The following CTNND2 variants were observed in gnomAD, a reference collection of about 807,000 sequenced individuals.
CTNND2 encodes the protein catenin delta 2.
CTNND2 carries 22 observed loss-of-function variants against 144.4 expected under a neutral mutation model. The observed-to-expected ratio is 0.15, with a 90% CI of 0.11 to 0.22. The LOEUF is 0.22. Ranked by LOEUF, CTNND2 falls within the 10% of genes least tolerant of loss-of-function variation. CTNND2 has a pLI of 1.00. For synonymous variants in CTNND2, 751 were observed against 695.6 expected (o/e 1.08, Z -1.25); for missense variants, 1,353 against 1,618.8 (o/e 0.84, Z 2.82).
At chr5:11,810,486 GT>G (rs1295097370) in intron 1 of CTNND2, among the ~76,000 whole-genome samples, 1 of 7,398 alleles carries the variant, frequency 1.4e-4, no homozygotes, top group Non-Finnish European at 0.012. Flanking sequence ...AAAATTAAGT[GT>G]GCATTGCATT....
chr5:11,603,052 A>G (rs1289682369), intron 2 of CTNND2, among the ~76,000 whole-genome samples: 1 of 152,086 alleles, frequency 6.6e-6, no homozygotes, highest in African/African-American at 2.4e-5. Flanking sequence ...TTCTCAGATT[A>G]TTCTCTAACC....
chr5:11,503,117 G>T (rs562624595), intron 3 of CTNND2, among the ~76,000 whole-genome samples: 1 of 152,090 alleles, frequency 6.6e-6, no homozygotes, highest in Non-Finnish European at 1.5e-5. Context: ...ATTTCATAGG[G>T]GTCAGCTCGC....
Position 11,903,523 on chromosome 5 carries a change from T to C in CTNND2, c.37+294A>G, listed in dbSNP as rs1009167591. On this transcript the variant is annotated intron_variant, in intron 1 of 21. Coordinates refer to ENST00000304623, the MANE Select transcript of CTNND2 (RefSeq NM_001332.4). The surrounding 1 kb of genome is among the most constrained non-coding windows in gnomAD (Gnocchi z 5.4). The stretch of plus-strand genomic sequence containing the variant: ...GGGAGCAGCATTGTCGGTGTTGCCC[T>C]AAATACGCTTCCTCCCGGGGAGATG... 3 of 573,632 alleles carry C rather than the reference T, an allele frequency of 5.2e-6. No individual in the cohort carries two copies. The highest frequency in any genetic ancestry group is 5.1e-6 in the Non-Finnish European group (2 of 389,954). The allele number at this position is 573,632 out of a possible 1,614,324, so 35.5% of individuals were successfully genotyped here. A position where few individuals can be genotyped will look rare whatever the true frequency, so the allele number is the denominator to read the frequency against.
intron 2 of CTNND2, among the ~76,000 whole-genome samples, chr5:11,702,177 C>G (rs1287495134): frequency 6.6e-6 from 1 of 152,180 alleles, no homozygotes; most frequent in Non-Finnish European, 1.5e-5. Context: ...CAGAATGGAG[C>G]TGACCACCCC....
intron 3 of CTNND2, among the ~76,000 whole-genome samples, chr5:11,553,760 G>T (rs549139262): frequency 2.6e-5 from 4 of 152,062 alleles, no homozygotes; most frequent in Non-Finnish European, 5.9e-5. Flanking sequence ...AAGATTTCCA[G>T]TTCTCTACTG....
chr5:11,237,280 A>G (rs1741758630), intron 9 of CTNND2, among the ~76,000 whole-genome samples: 1 of 152,074 alleles, frequency 6.6e-6, no homozygotes, highest in Non-Finnish European at 1.5e-5. Context: ...CGGCCTCCCA[A>G]AGTGCTGGGA....
At chr5:11,790,926 G>A (rs564867044) in intron 1 of CTNND2, among the ~76,000 whole-genome samples, 1 of 152,116 alleles carries the variant, frequency 6.6e-6, no homozygotes, top group Non-Finnish European at 1.5e-5. Context: ...ATTCAGACAT[G>A]GGATTTTTGC....
Position 11,519,209 on chromosome 5 carries a change from A to T in CTNND2, c.287+45735T>A, listed in dbSNP as rs1018430809. On this transcript the variant is annotated intron_variant, in intron 3 of 21. Coordinates refer to ENST00000304623, the MANE Select transcript of CTNND2 (RefSeq NM_001332.4). Reference sequence around the variant, plus strand: ...AATTTTGTAGACTATACACTTGATCATTCTTAATAGCAACAATTTACAGCT... The same window carrying T: ...AATTTTGTAGACTATACACTTGATCTTTCTTAATAGCAACAATTTACAGCT... 9.2e-5 allele frequency among the ~76,000 whole-genome samples: 14 copies of T among 152,344 alleles called. No homozygotes were observed. In the East Asian group the frequency reaches 2.7e-3, roughly 29 times the overall value.
intron 18 of CTNND2, among the ~76,000 whole-genome samples, chr5:11,007,381 C>T (rs892989093): frequency 8.5e-5 from 13 of 152,288 alleles, no homozygotes; most frequent in African/African-American, 2.9e-4. Flanking sequence ...GCGGTGAGGA[C>T]GGCATGAACA....
At position 11,261,335 on chromosome 5, in the gene CTNND2, G is replaced by T. The variant is rs777179068; in HGVS notation, c.1629-24512C>A. Among the ~76,000 whole-genome samples the T allele has an allele frequency of 1.3e-3, 192 of 152,258 alleles. 1 individual carries two copies. Among genetic ancestry groups the T allele is most frequent in the Non-Finnish European group, 2.2e-3 (150 of 68,022 alleles). The stretch of plus-strand genomic sequence containing the variant: ...GCTTGAGCCTCTTTATATTCTGGGA[G>T]TTCCTTCCTCCAGAACTCGCTGAGA... On this transcript the variant is annotated intron_variant, in intron 9 of 21. Coordinates refer to ENST00000304623, the MANE Select transcript of CTNND2 (RefSeq NM_001332.4).
At chr5:11,735,919 G>A (rs957317712) in intron 1 of CTNND2, among the ~76,000 whole-genome samples, 11 of 152,016 alleles carry the variant, frequency 7.2e-5, no homozygotes, top group Admixed American at 2.0e-4. Flanking sequence ...TGAGAAAGGG[G>A]GACTCTTACA....
intron 1 of CTNND2, among the ~76,000 whole-genome samples, chr5:11,845,488 C>T (rs1287820772): frequency 6.6e-6 from 1 of 152,018 alleles, no homozygotes; most frequent in Non-Finnish European, 1.5e-5. Flanking sequence ...GACTAGTGTC[C>T]TTAAGAAAAG....
At chr5:11,219,822 A>G (rs1739602021) in intron 10 of CTNND2, among the ~76,000 whole-genome samples, 3 of 152,194 alleles carry the variant, frequency 2.0e-5, no homozygotes, top group Admixed American at 6.5e-5. Flanking sequence ...AACTTTGGAA[A>G]TTATTCAGCT....
chr5:11,563,402 T>C (rs1234646040), intron 3 of CTNND2, among the ~76,000 whole-genome samples: 1 of 152,238 alleles, frequency 6.6e-6, no homozygotes, highest in African/African-American at 2.4e-5. Flanking sequence ...TTCATGTATA[T>C]AAAATTAGAT....
At chr5:11,054,137 A>G (rs1426186905) in intron 16 of CTNND2, among the ~76,000 whole-genome samples, 1 of 152,214 alleles carries the variant, frequency 6.6e-6, no homozygotes, top group East Asian at 1.9e-4. Flanking sequence ...GAACCGAAAG[A>G]AGCCCATGAA....
Position 11,153,516 on chromosome 5 carries a change from G to C in CTNND2, c.2159+6060C>G, listed in dbSNP as rs568554782. Among the ~76,000 whole-genome samples, 195 of 152,288 alleles carry C rather than the reference G, an allele frequency of 1.3e-3. 3 individuals are homozygous for C. Among genetic ancestry groups the C allele is most frequent in the Non-Finnish European group, 1.3e-3 (86 of 68,016 alleles). On this transcript the variant is annotated intron_variant, in intron 12 of 21. Transcript: ENST00000304623. ...AAACGTCCTTGGAGCTTTGTAGCCA[G>C]AGTGTGATTATCATTAACATTACTT...
chr5:11,387,241 T>TAA (rs33928349), intron 6 of CTNND2, among the ~76,000 whole-genome samples: 77,714 of 146,384 alleles, frequency 0.53, 22,766 homozygotes, highest in South Asian at 0.67. Flanking sequence ...TTTTCAGCAT[T>TAA]AAAAAAAAAA....
At chr5:11,708,620 C>T (rs1010255930) in intron 2 of CTNND2, among the ~76,000 whole-genome samples, 3 of 152,066 alleles carry the variant, frequency 2.0e-5, no homozygotes, top group Admixed American at 6.6e-5. Context: ...CTAGGGCGGG[C>T]CTTCTGCAGT....
chr5:11,141,872 A>C, intron 12 of CTNND2, among the ~76,000 whole-genome samples: 1 of 152,216 alleles, frequency 6.6e-6, no homozygotes, highest in East Asian at 1.9e-4. Flanking sequence ...AACAGTGTTG[A>C]GAAGTGGGAA....
Sources: gnomAD v4.1 joint callset for allele counts (sites outside exome capture counted in the v4.1 genomes callset) on GRCh38, gnomAD v4.1.1 for gene constraint, Gnocchi (gnomAD v3.1) non-coding constraint, MANE v1.5 for transcripts, NCBI Gene and HGNC (gene_info 2026-07-23, HGNC 2026-07-21) for gene names.